Variants in MGAT4C observed in about 807,000 individuals in gnomAD.
MGAT4C encodes MGAT4 family member C.
A neutral mutation model predicts 40.1 loss-of-function variants in MGAT4C; 19 were observed. That is an observed-to-expected ratio of 0.47 (90% CI 0.33 to 0.70). The LOEUF is 0.70. MGAT4C is among the 30% of genes least tolerant of loss of function. The pLI is 0.02. For missense variants in MGAT4C, 491 were observed against 563.2 expected, an observed-to-expected ratio of 0.87 and a Z score of 1.30; for synonymous variants, 181 against 187.1, an observed-to-expected ratio of 0.97 and a Z score of 0.27.
intron 2 of MGAT4C, among the ~76,000 whole-genome samples, chr12:86,509,895 T>A (rs915416882): frequency 1.1e-4 from 16 of 152,178 alleles, no homozygotes; most frequent in African/African-American, 3.6e-4. Flanking sequence ...TGCTTGTGAT[T>A]TTTGTACATT....
At chr12:86,134,397 A>T (rs839134) in intron 1 of MGAT4C, among the ~76,000 whole-genome samples, 1 of 151,946 alleles carries the variant, frequency 6.6e-6, no homozygotes, top group East Asian at 1.9e-4. Flanking sequence ...CCCACCCCAA[A>T]CCCATTATAA....
intron 2 of MGAT4C, among the ~76,000 whole-genome samples, chr12:86,519,410 G>T (rs898573142): frequency 6.6e-6 from 1 of 152,018 alleles, no homozygotes; most frequent in African/African-American, 2.4e-5. Flanking sequence ...ATTTATTTTG[G>T]ATATATACCC....
At chr12:86,462,811 G>A (rs1012758706) in intron 2 of MGAT4C, among the ~76,000 whole-genome samples, 3 of 152,128 alleles carry the variant, frequency 2.0e-5, no homozygotes, top group Admixed American at 6.5e-5. Context: ...GCATGTATGC[G>A]CTTTCCATCT....
chr12:86,422,859 C>A (rs1956855022), intron 3 of MGAT4C, among the ~76,000 whole-genome samples: 1 of 152,204 alleles, frequency 6.6e-6, no homozygotes, highest in African/African-American at 2.4e-5. Flanking sequence ...TGCACTGCAT[C>A]CCTCCAGCAA....
intron 3 of MGAT4C, among the ~76,000 whole-genome samples, chr12:86,430,648 A>C (rs1303382107): frequency 6.6e-6 from 1 of 152,138 alleles, no homozygotes; most frequent in Non-Finnish European, 1.5e-5. Context: ...TACTCTGGTC[A>C]GCCAATTATG....
At chr12:86,351,140 C>G (rs142725673) in intron 3 of MGAT4C, among the ~76,000 whole-genome samples, 4 of 152,026 alleles carry the variant, frequency 2.6e-5, no homozygotes, top group African/African-American at 9.6e-5. Flanking sequence ...AAGCAGATCT[C>G]TGGCCTGGAA....
chr12:86,446,700 T>TATATATATAC (rs1957346748), intron 2 of MGAT4C, among the ~76,000 whole-genome samples: 1 of 129,820 alleles, frequency 7.7e-6, no homozygotes, highest in African/African-American at 2.9e-5. Context: ...TATATATATA[T>TATATATATAC]ATATGGATGT....
At chr12:86,278,178 C>CTTTTTTTT (rs57981698) in intron 4 of MGAT4C, among the ~76,000 whole-genome samples, 7 of 99,946 alleles carry the variant, frequency 7.0e-5, no homozygotes, top group South Asian at 3.6e-4. Context: ...TGTTGACTTC[C>CTTTTTTTT]TTTTTTTTTT....
chr12:86,045,164 G>A (rs1892263803), intron 2 of MGAT4C, among the ~76,000 whole-genome samples: 1 of 152,114 alleles, frequency 6.6e-6, no homozygotes, highest in Non-Finnish European at 1.5e-5. Context: ...TCAGTCACTT[G>A]GTGGCAGATG....
chr12:86,778,247 T>A (rs993541772), intron 1 of MGAT4C, among the ~76,000 whole-genome samples: 1 of 152,156 alleles, frequency 6.6e-6, no homozygotes, highest in Admixed American at 6.5e-5. Flanking sequence ...TCAATCTTCA[T>A]TCAAGTGTGT....
chr12:86,441,184 C>T (rs577781929), intron 2 of MGAT4C, among the ~76,000 whole-genome samples: 2 of 151,988 alleles, frequency 1.3e-5, no homozygotes, highest in East Asian at 1.9e-4. Context: ...AAGAACAAAT[C>T]TGGAGGCATG....
At chr12:86,482,440 T>G (rs1565791933) in intron 2 of MGAT4C, among the ~76,000 whole-genome samples, 1 of 152,066 alleles carries the variant, frequency 6.6e-6, no homozygotes, top group African/African-American at 2.4e-5. Flanking sequence ...ACATTTTTAT[T>G]TTTAATTATA....
At chr12:86,004,728 T>C (rs1163409549) in intron 2 of MGAT4C, among the ~76,000 whole-genome samples, 1 of 152,180 alleles carries the variant, frequency 6.6e-6, no homozygotes, top group Non-Finnish European at 1.5e-5. Context: ...ATGTCCTATT[T>C]TGTGGATATA....
rs1885796057 is a variant in MGAT4C, at chr12:86,163,188, T to C, written c.-57+93051A>G. Among the ~76,000 whole-genome samples the C allele has an allele frequency of 2.0e-5, 3 of 151,910 alleles. No homozygotes were observed. In the South Asian group the frequency reaches 6.3e-4, roughly 32 times the overall value. Reference sequence around the variant, plus strand: ...GATATTGACATTATAGAACAACAATTAGAAATCATCCTCCCCCCCTTTTTT... The same window carrying C: ...GATATTGACATTATAGAACAACAATCAGAAATCATCCTCCCCCCCTTTTTT... On this transcript the variant is annotated intron_variant, in intron 1 of 4. Coordinates refer to ENST00000611864, the MANE Select transcript of MGAT4C (RefSeq NM_001351288.2).
intron 1 of MGAT4C, among the ~76,000 whole-genome samples, chr12:86,832,931 AT>A (rs956816272): frequency 3.1e-4 from 21 of 67,022 alleles, no homozygotes; most frequent in African/African-American, 6.4e-4. Flanking sequence ...AAATGTTATG[AT>A]TTTTTTTCAT....
chr12:86,630,790 A>G (rs928683516), intron 2 of MGAT4C, among the ~76,000 whole-genome samples: 1 of 152,232 alleles, frequency 6.6e-6, no homozygotes, highest in African/African-American at 2.4e-5. Flanking sequence ...GCCCACAGCC[A>G]GTATCATACT....
At chr12:86,700,673 CTAAA>C (rs1485000625) in intron 2 of MGAT4C, among the ~76,000 whole-genome samples, 1 of 152,028 alleles carries the variant, frequency 6.6e-6, no homozygotes, top group African/African-American at 2.4e-5. Flanking sequence ...AAATTGGAGA[CTAAA>C]TGACCATAAC....
intron 2 of MGAT4C, among the ~76,000 whole-genome samples, chr12:86,509,015 G>A (rs937761295): frequency 6.6e-6 from 1 of 152,008 alleles, no homozygotes; most frequent in African/African-American, 2.4e-5. Flanking sequence ...TAGGTTGTCT[G>A]TTCACTCTGA....
At chr12:86,321,472 T>G (rs1331808283) in intron 4 of MGAT4C, among the ~76,000 whole-genome samples, 3 of 152,142 alleles carry the variant, frequency 2.0e-5, no homozygotes, top group Admixed American at 1.3e-4. Flanking sequence ...CAGGGAGTAT[T>G]TTGATAGTTT....
Sources: allele counts gnomAD v4.1 joint callset (sites outside exome capture counted in the v4.1 genomes callset), GRCh38; gene constraint gnomAD v4.1.1; transcripts MANE v1.5; gene names NCBI Gene and HGNC (gene_info 2026-07-23, HGNC 2026-07-21).